Variants in CRB2 observed in about 807,000 individuals in gnomAD.
CRB2 encodes the protein crumbs cell polarity complex component 2.
Under a neutral mutation model 110.9 loss-of-function variants are expected in CRB2, and 85 were observed. The ratio of observed to expected loss-of-function variants is 0.77; its 90% CI spans 0.64 to 0.92. The LOEUF (loss-of-function observed/expected upper bound fraction) is 0.92, where lower values mean the gene tolerates loss of function less well. Among genes scored for constraint, CRB2 ranks in the 40% least tolerant of loss-of-function variants. CRB2 has a pLI of 0.00. For missense variants in CRB2, 1,843 were observed against 1,851.3 expected, an observed-to-expected ratio of 1.00 and a Z score of 0.08; for synonymous variants, 907 against 831.0, an observed-to-expected ratio of 1.09 and a Z score of -1.57.
intron 11 of CRB2, 45 bp from the exon 12 acceptor site, chr9:123,375,172 G>A (rs767115366): frequency 3.7e-6 from 6 of 1,609,816 alleles, no homozygotes; most frequent in Non-Finnish European, 4.2e-6. Flanking sequence ...AGCACAAGAG[G>A]CAGCCATGGG....
At chr9:123,367,935 G>T (rs2041961350) in intron 6 of CRB2, among the ~76,000 whole-genome samples, 1 of 152,092 alleles carries the variant, frequency 6.6e-6, no homozygotes, top group Non-Finnish European at 1.5e-5. Flanking sequence ...CGTGTGGAGG[G>T]ATGGTCTTCA....
intron 2 of CRB2, 140 bp from the exon 3 acceptor site, chr9:123,365,777 C>A (rs773467879): frequency 4.0e-6 from 3 of 748,588 alleles, no homozygotes; most frequent in East Asian, 3.4e-5. Context: ...CCGTCCCCCA[C>A]CCCCCAACCA....
chr9:123,377,122 C>A lies in CRB2; in HGVS notation c.*60C>A. On this transcript the variant is annotated 3_prime_UTR_variant, in exon 13 of 13. Transcript: ENST00000373631. The stretch of plus-strand genomic sequence containing the variant: ...CCTGAATGGTTTCTACCTGGAGACC[C>A]AAGGAAGCTGCTTCCAGGGCTCGGG... The A allele has an allele frequency of 7.1e-7, 1 of 1,401,328 alleles. No individual in the cohort carries two copies. 86.8% of individuals were successfully genotyped at this position (1,401,328 alleles called of 1,614,324 possible).
chr9:123,368,953 A>T, intron 6 of CRB2: 1 of 1,232,108 alleles, frequency 8.1e-7, no homozygotes, highest in Non-Finnish European at 1.0e-6. Context: ...GCAGGTATGG[A>T]GGAATGTGGG....
At chr9:123,355,451 C>G (rs2041786558), upstream of CRB2, among the ~76,000 whole-genome samples, 1 of 151,438 alleles carries the variant, frequency 6.6e-6, no homozygotes, top group African/African-American at 2.4e-5. Context: ...GGGAAAGGTT[C>G]AGTTTGGCTG....
intron 9 of CRB2, 82 bp downstream of exon 9, chr9:123,372,424 G>A: frequency 6.7e-7 from 1 of 1,490,798 alleles, no homozygotes; most frequent in East Asian, 2.3e-5. Context: ...CTCAGGGCTT[G>A]TAGGATACTG....
chr9:123,370,219 G>T lies in CRB2; in HGVS notation c.1166G>T (p.Gly389Val), dbSNP rs773294592. ...GYICRCPETW[G>V]GRDCSVQLTG... Reference sequence around the variant, plus strand: ...ATCTGCAGGTGCCCAGAGACCTGGGGTGGGCGCGACTGTTCTGTGCAGCTC... The same window carrying T: ...ATCTGCAGGTGCCCAGAGACCTGGGTTGGGCGCGACTGTTCTGTGCAGCTC... The change falls in exon 7 of 13, where the codon GGT becomes GTT. Residue 389 changes from glycine (G) to valine (V), a missense_variant. Physicochemically the swap from Gly to Val is moderately radical, Grantham distance 109 (BLOSUM62 -3). Coordinates refer to ENST00000373631, the MANE Select transcript of CRB2 (RefSeq NM_173689.7). The T allele has an allele frequency of 2.5e-6, 4 of 1,613,214 alleles. No individual in the cohort carries two copies. Among genetic ancestry groups the T allele is most frequent in the Non-Finnish European group, 2.5e-6 (3 of 1,179,994 alleles).
Position 123,373,277 on chromosome 9 carries a change from G to A in CRB2, c.2746G>A (p.Ala916Thr). The A allele has an allele frequency of 6.8e-7, 1 of 1,481,422 alleles. No individual in the cohort carries two copies. 91.8% of individuals were successfully genotyped at this position (1,481,422 alleles called of 1,614,324 possible). A position where few individuals can be genotyped will look rare whatever the true frequency, so the allele number is the denominator to read the frequency against. Reference sequence around the variant, plus strand: ...CTGGCTGCTGCGTGCCGCGGCGGGCGCCCTGGAAGGCGTGTGGCTGGCGGT... The same window carrying A: ...CTGGCTGCTGCGTGCCGCGGCGGGCACCCTGGAAGGCGTGTGGCTGGCGGT... ...EAWLLRAAAG[A>T]LEGVWLAVRN... is the part of the protein sequence containing the mutation. The change falls in exon 10 of 13, where the codon GCC (alanine) becomes ACC (threonine). Residue 916 changes from alanine to threonine, a missense_variant. Coordinates refer to ENST00000373631, the MANE Select transcript of CRB2 (RefSeq NM_173689.7).
chr9:123,376,781 G>T, intron 12 of CRB2, 57 bp from the exon 13 acceptor site: 1 of 1,469,686 alleles, frequency 6.8e-7, no homozygotes, highest in South Asian at 1.3e-5. Context: ...CTCTCTGAGG[G>T]CCCCGGCGTC....
At chr9:123,356,820 G>A (rs150466879) in intron 1 of CRB2, among the ~76,000 whole-genome samples, 13 of 152,168 alleles carry the variant, frequency 8.5e-5, no homozygotes, top group African/African-American at 2.9e-4. Flanking sequence ...GTTGGGAGGT[G>A]GATGAGCTGT....
chr9:123,373,262 C>A lies in CRB2; in HGVS notation c.2731C>A (p.Arg911Ser). Residue 911 changes from arginine to serine, a missense_variant, in exon 10 of 13, where the codon CGT becomes AGT. Physicochemically the swap from Arg to Ser is moderately radical, Grantham distance 110. Transcript: ENST00000373631. ...RTRDSEAWLL[R>S]AAAGALEGVW... The stretch of plus-strand genomic sequence containing the variant: ...GCGCGACTCCGAGGCCTGGCTGCTG[C>A]GTGCCGCGGCGGGCGCCCTGGAAGG... 6.7e-7 allele frequency: 1 copy of A among 1,486,700 alleles called. No individual in the cohort carries two copies. Among genetic ancestry groups the A allele is most frequent in the Non-Finnish European group, 8.9e-7 (1 of 1,127,624 alleles). The allele number at this position is 1,486,700 out of a possible 1,614,324, so 92.1% of individuals were successfully genotyped here. A position where few individuals can be genotyped will look rare whatever the true frequency, so the allele number is the denominator to read the frequency against.
rs535947643 is a variant in CRB2, at chr9:123,366,195, C to A, written c.615-32C>A. 1,105 of 1,391,036 alleles carry A rather than the reference C, an allele frequency of 7.9e-4. 11 individuals are homozygous for A. The African/African-American group carries it at 0.015, about 19-fold the overall frequency. The allele number at this position is 1,391,036 out of a possible 1,614,324, so 86.2% of individuals were successfully genotyped here. On this transcript the variant is annotated intron_variant, in intron 3 of 12. Transcript: ENST00000373631. ...AGGCGCGGGGCAGAAGGGGCAGGCG[C>A]GCGCTCAGCTCCGCCGGTGCGCCCT...
intron 5 of CRB2, 64 bp downstream of exon 5, chr9:123,367,421 A>ACCCCCCCACCCCCCCCAC: frequency 6.6e-6 from 4 of 608,098 alleles, no homozygotes; most frequent in East Asian, 5.8e-5. Context: ...TCTTGTGCCC[A>ACCCCCCCACCCCCCCCAC]CCCCCCCACC....
upstream of CRB2, among the ~76,000 whole-genome samples, chr9:123,355,038 T>G (rs1348965334): frequency 6.6e-6 from 1 of 152,222 alleles, no homozygotes; most frequent in East Asian, 1.9e-4. Context: ...TATCCACGGT[T>G]ACTGAATAGG....
At chr9:123,370,032 AG>A in intron 6 of CRB2, 75 bp from the exon 7 acceptor site, 1 of 1,482,162 alleles carries the variant, frequency 6.7e-7, no homozygotes, top group Non-Finnish European at 9.0e-7. Flanking sequence ...CCATCATAAG[AG>A]GCATGTAAGT....
At chr9:123,363,447 A>G (rs1042011917) in intron 2 of CRB2, among the ~76,000 whole-genome samples, 7 of 152,222 alleles carry the variant, frequency 4.6e-5, no homozygotes, top group African/African-American at 7.2e-5. Flanking sequence ...TCCAGCCTAG[A>G]GTTCAGTTTG....
chr9:123,370,012 A>G lies in CRB2; in HGVS notation c.1055-96A>G, dbSNP rs564910227. 2.3e-4 allele frequency: 326 copies of G among 1,403,278 alleles called. 5 individuals carry two copies. The South Asian group carries it at 4.2e-3, about 18-fold the overall frequency. 86.9% of individuals were successfully genotyped at this position (1,403,278 alleles called of 1,614,324 possible). On this transcript the variant is annotated intron_variant, in intron 6 of 12. Transcript: ENST00000373631. ...CTGGGAATTGGTTTGGCTGATAGGT[A>G]CTGAGGTCCCCATCATAAGAGGCAT...
intron 2 of CRB2, among the ~76,000 whole-genome samples, chr9:123,364,979 G>A (rs1418571116): frequency 6.6e-6 from 1 of 152,188 alleles, no homozygotes. Context: ...AAAGTAGGTA[G>A]GGCCAGGTGT....
intron 1 of CRB2, among the ~76,000 whole-genome samples, chr9:123,358,011 G>T (rs963172157): frequency 3.9e-5 from 6 of 152,202 alleles, no homozygotes; most frequent in Non-Finnish European, 7.4e-5. Flanking sequence ...GGTTGCCCAG[G>T]GGCAGCCTTT....
Sources: allele counts gnomAD v4.1 joint callset (sites outside exome capture counted in the v4.1 genomes callset), GRCh38; gene constraint gnomAD v4.1.1; transcripts MANE v1.5; gene names NCBI Gene and HGNC (gene_info 2026-07-23, HGNC 2026-07-21).